Variants in SYT14 observed in about 807,000 individuals in gnomAD.
The protein encoded by SYT14 is synaptotagmin 14.
In SYT14, 32 loss-of-function variants were observed where a neutral mutation model predicts 74.2. That is an observed-to-expected ratio of 0.43 (90% confidence interval 0.33 to 0.58). The LOEUF (loss-of-function observed/expected upper bound fraction) is 0.58, where lower values mean the gene tolerates loss of function less well. Among genes scored for constraint, SYT14 ranks in the 20% least tolerant of loss-of-function variants. The probability of loss-of-function intolerance (pLI) is 0.05; values close to 1 mark genes in which losing one functional copy is unlikely to be tolerated. For synonymous variants in SYT14, 298 were observed against 337.7 expected (o/e 0.88, Z 1.29); for missense variants, 791 against 981.8 (o/e 0.81, Z 2.60).
chr1:209,961,257 G>T (rs897226563), intron 2 of SYT14, among the ~76,000 whole-genome samples: 2 of 152,154 alleles, frequency 1.3e-5, no homozygotes, highest in Non-Finnish European at 2.9e-5. Flanking sequence ...TGTAGAATTT[G>T]TGAAGGTGTA....
intron 5 of SYT14, among the ~76,000 whole-genome samples, chr1:210,067,668 A>G (rs2081321139): frequency 1.3e-5 from 2 of 151,906 alleles, no homozygotes; most frequent in African/African-American, 2.4e-5. Context: ...TCCCATTAAC[A>G]GCCTTCTTAC....
At chr1:210,031,880 C>T (rs2080543920) in intron 5 of SYT14, among the ~76,000 whole-genome samples, 1 of 151,584 alleles carries the variant, frequency 6.6e-6, no homozygotes, top group South Asian at 2.1e-4. Context: ...GTAATGCCCA[C>T]CTATTGTTGT....
At chr1:210,014,467 A>G (rs2080146559) in intron 3 of SYT14, among the ~76,000 whole-genome samples, 1 of 151,520 alleles carries the variant, frequency 6.6e-6, no homozygotes, top group Non-Finnish European at 1.5e-5. Context: ...TCTATTTCCA[A>G]AGACTGGTTT....
chr1:209,953,329 T>C (rs1230104817), intron 2 of SYT14: 3 of 1,076,118 alleles, frequency 2.8e-6, no homozygotes, highest in Non-Finnish European at 3.7e-6. Context: ...AGGAGAACCT[T>C]GGGAGTCCCC....
intron 5 of SYT14, among the ~76,000 whole-genome samples, chr1:210,072,337 C>T (rs2081410977): frequency 6.6e-6 from 1 of 151,676 alleles, no homozygotes; most frequent in Admixed American, 6.6e-5. Context: ...TAGAGTGAGC[C>T]ATAGTAATAG....
rs114560732 is a variant in SYT14, at chr1:210,017,572, A to G, written c.1096+473A>G. 7.9e-3 allele frequency among the ~76,000 whole-genome samples: 1,198 copies of G among 152,290 alleles called. 21 individuals carry two copies. Among genetic ancestry groups the G allele is most frequent in the African/African-American group, 0.028 (1,144 of 41,548 alleles). ...GCAATAGATTTTATTTTATTCAATAATGTGGTTCACAATGTATTTTTATTC... is the reference window on the plus strand; with the variant it reads ...GCAATAGATTTTATTTTATTCAATAGTGTGGTTCACAATGTATTTTTATTC... On this transcript the variant is annotated intron_variant, in intron 4 of 9. Coordinates refer to ENST00000637265, the Ensembl canonical transcript of SYT14.
intron 2 of SYT14, among the ~76,000 whole-genome samples, chr1:209,975,242 A>G (rs1236167995): frequency 1.3e-5 from 2 of 151,400 alleles, no homozygotes; most frequent in Non-Finnish European, 3.0e-5. Flanking sequence ...AGAACTTCCA[A>G]CACTAATAGG....
intron 7 of SYT14, among the ~76,000 whole-genome samples, chr1:210,109,576 CAAA>C (rs11392476): frequency 7.7e-6 from 1 of 130,432 alleles, no homozygotes; most frequent in Admixed American, 7.4e-5. Context: ...GACTCTGTCT[CAAA>C]AAAAAAAAAA....
intron 2 of SYT14, among the ~76,000 whole-genome samples, chr1:210,005,785 T>C (rs949535765): frequency 1.3e-5 from 2 of 151,978 alleles, no homozygotes; most frequent in African/African-American, 4.8e-5. Context: ...GGTTTAAATA[T>C]ATGAAGTACA....
intron 2 of SYT14, among the ~76,000 whole-genome samples, chr1:209,982,666 A>G (rs7512760): frequency 1.3e-5 from 2 of 152,146 alleles, no homozygotes; most frequent in South Asian, 4.1e-4. Context: ...ATCAATGTAC[A>G]CATTTTTGTG....
chr1:209,999,812 T>C (rs1195977496), intron 2 of SYT14, among the ~76,000 whole-genome samples: 3 of 152,098 alleles, frequency 2.0e-5, no homozygotes, highest in Non-Finnish European at 2.9e-5. Context: ...CATAGTTAAA[T>C]AGAAGGAATA....
At chr1:210,155,607 C>T (rs1468784018) in intron 7 of SYT14, 114 bp from the exon 7 acceptor site, 1 of 1,131,360 alleles carries the variant, frequency 8.8e-7, no homozygotes, top group East Asian at 2.6e-5. Context: ...GTTTGGTTTG[C>T]AACTCATCTT....
At chr1:209,960,494 A>T (rs909988444) in intron 2 of SYT14, among the ~76,000 whole-genome samples, 1 of 152,162 alleles carries the variant, frequency 6.6e-6, no homozygotes, top group Non-Finnish European at 1.5e-5. Context: ...GAAGGAAGTC[A>T]CTTATTTAAA....
chr1:210,159,557 T>G, intron 9 of SYT14, 80 bp downstream of exon 8: 1 of 1,245,016 alleles, frequency 8.0e-7, no homozygotes, highest in Non-Finnish European at 1.2e-6. Context: ...GCAGTGAAGC[T>G]GTCCACCATG....
chr1:210,000,613 C>CTTT lies in SYT14; in HGVS notation c.-485-13003_-485-13001dup, dbSNP rs71146203. 8.4e-3 allele frequency among the ~76,000 whole-genome samples: 887 copies of CTTT among 105,412 alleles called. 86 individuals are homozygous for CTTT. The highest frequency in any genetic ancestry group is 0.026 in the African/African-American group (677 of 26,522). 69.2% of individuals were successfully genotyped at this position (105,412 alleles called of 152,430 possible). A position where few individuals can be genotyped will look rare whatever the true frequency, so the allele number is the denominator to read the frequency against. On this transcript the variant is annotated intron_variant, in intron 2 of 9. Transcript: ENST00000637265. ...TTTCATTAGGGCTGTTTTATGCCTTCTTTTTTTTTTTTTTTTTTTGAGATA... is the reference window on the plus strand; with the variant it reads ...TTTCATTAGGGCTGTTTTATGCCTTCTTTTTTTTTTTTTTTTTTTTTTGAGATA...
At chr1:210,046,371 C>G (rs1161489680) in intron 5 of SYT14, among the ~76,000 whole-genome samples, 1 of 152,088 alleles carries the variant, frequency 6.6e-6, no homozygotes. Context: ...AAGACTCAGT[C>G]TCAAGTAGAA....
chr1:210,157,476 A>AC (rs1160238478), intron 8 of SYT14, among the ~76,000 whole-genome samples: 2 of 147,946 alleles, frequency 1.4e-5, no homozygotes, highest in Admixed American at 6.7e-5. Flanking sequence ...GCAGTGGCTC[A>AC]CAAGGGCCTG....
At chr1:210,084,100 A>G (rs1039686137) in intron 5 of SYT14, among the ~76,000 whole-genome samples, 1 of 152,118 alleles carries the variant, frequency 6.6e-6, no homozygotes, top group African/African-American at 2.4e-5. Flanking sequence ...TACAACAGAC[A>G]TTTTAGCGCC....
intron 2 of SYT14, among the ~76,000 whole-genome samples, chr1:209,984,203 T>G (rs1002463353): frequency 3.3e-5 from 5 of 152,212 alleles, no homozygotes; most frequent in Non-Finnish European, 7.3e-5. Flanking sequence ...TTACTGCTGA[T>G]TTTAGCGCCA....
Sources: gnomAD v4.1 joint callset for allele counts (sites outside exome capture counted in the v4.1 genomes callset) on GRCh38, gnomAD v4.1.1 for gene constraint, MANE v1.5 for transcripts, NCBI Gene and HGNC (gene_info 2026-07-23, HGNC 2026-07-21) for gene names.